The following PRELID2 variants were observed in gnomAD, a reference collection of about 807,000 sequenced individuals.
PRELID2 encodes PRELI domain-containing protein 2.
A neutral mutation model predicts 28.4 loss-of-function variants in PRELID2; 25 were observed. That is an observed-to-expected ratio of 0.88 (90% CI 0.64 to 1.23). PRELID2 has a LOEUF of 1.23. PRELID2 is among the 50% of genes most tolerant of loss of function. PRELID2 has a pLI of 0.00. For synonymous variants in PRELID2, 76 were observed against 71.6 expected (o/e 1.06, Z -0.31); for missense variants, 201 against 214.4 (o/e 0.94, Z 0.39).
At chr5:145,394,321 A>G in the PRELID2 span, among the ~76,000 whole-genome samples, 1 of 151,832 alleles carries the variant, frequency 6.6e-6, no homozygotes, top group East Asian at 1.9e-4. Context: ...TCTCAGCAAA[A>G]TATCACAAGG....
the PRELID2 span, among the ~76,000 whole-genome samples, chr5:145,324,063 T>A: frequency 1.3e-5 from 2 of 152,258 alleles, no homozygotes; most frequent in Non-Finnish European, 2.9e-5. Context: ...ATGGCTGAAT[T>A]AATTTACATT....
At chr5:145,501,036 G>A (rs1752356048) in intron 1 of PRELID2, among the ~76,000 whole-genome samples, 1 of 152,110 alleles carries the variant, frequency 6.6e-6, no homozygotes. Flanking sequence ...CCTTCCAATA[G>A]TCCCAATTAT....
intron 4 of PRELID2, among the ~76,000 whole-genome samples, chr5:145,799,910 A>G (rs1753016130): frequency 6.6e-6 from 1 of 152,104 alleles, no homozygotes; most frequent in Non-Finnish European, 1.5e-5. Flanking sequence ...CCTATTCCCC[A>G]TTTTCACCAT....
chr5:145,238,183 G>A, the PRELID2 span, among the ~76,000 whole-genome samples: 1 of 152,100 alleles, frequency 6.6e-6, no homozygotes, highest in Non-Finnish European at 1.5e-5. Context: ...AGAGAAAGAG[G>A]ACAGAAGAGA....
the PRELID2 span, among the ~76,000 whole-genome samples, chr5:145,415,488 A>G: frequency 7.6e-6 from 1 of 131,000 alleles, no homozygotes; most frequent in Non-Finnish European, 1.5e-5. Context: ...TGTCCATGTG[A>G]TCTCATTGTT....
intron 1 of PRELID2, among the ~76,000 whole-genome samples, chr5:145,488,494 C>A (rs1018729972): frequency 6.6e-6 from 1 of 151,912 alleles, no homozygotes; most frequent in African/African-American, 2.4e-5. Context: ...ACTTATAAAC[C>A]CAAAGACTCC....
chr5:145,732,386 A>T (rs1756370318), intron 1 of PRELID2, among the ~76,000 whole-genome samples: 1 of 152,232 alleles, frequency 6.6e-6, no homozygotes, highest in Non-Finnish European at 1.5e-5. Context: ...GAGGTGGAAG[A>T]GTTCATATAG....
the PRELID2 span, among the ~76,000 whole-genome samples, chr5:145,356,200 C>T: frequency 6.6e-6 from 1 of 152,076 alleles, no homozygotes; most frequent in Non-Finnish European, 1.5e-5. Flanking sequence ...TATAAACACA[C>T]TCAAGTATTT....
intron 1 of PRELID2, among the ~76,000 whole-genome samples, chr5:145,700,983 C>G (rs1286146712): frequency 6.6e-6 from 1 of 152,090 alleles, no homozygotes; most frequent in African/African-American, 2.4e-5. Context: ...CACTGGGAGC[C>G]AGGCTCTGAG....
At chr5:145,458,495 T>C in the PRELID2 span, among the ~76,000 whole-genome samples, 3 of 152,200 alleles carry the variant, frequency 2.0e-5, no homozygotes, top group African/African-American at 7.2e-5. Flanking sequence ...GCAATTTTGC[T>C]CACAAGGGAA....
chr5:145,493,047 G>T (rs1192719078), intron 1 of PRELID2, among the ~76,000 whole-genome samples: 1 of 140,568 alleles, frequency 7.1e-6, no homozygotes, highest in Non-Finnish European at 1.6e-5. Flanking sequence ...TTGGGGAGGG[G>T]TGTCTTGGGT....
the PRELID2 span, among the ~76,000 whole-genome samples, chr5:145,271,781 T>C: frequency 0.07 from 10,654 of 152,172 alleles, 1,201 homozygotes; most frequent in African/African-American, 0.24. Flanking sequence ...CTCCCTTACC[T>C]GCCAACATCC....
chr5:145,355,387 C>T, the PRELID2 span, among the ~76,000 whole-genome samples: 1 of 152,004 alleles, frequency 6.6e-6, no homozygotes, highest in Admixed American at 6.6e-5. Context: ...AATTTTTTCT[C>T]TCCTTATATT....
the PRELID2 span, among the ~76,000 whole-genome samples, chr5:145,267,186 G>T: frequency 6.6e-6 from 1 of 152,110 alleles, no homozygotes; most frequent in South Asian, 2.1e-4. Context: ...AAAGATGTAG[G>T]CTAGGAGGAT....
chr5:145,414,822 C>T, the PRELID2 span, among the ~76,000 whole-genome samples: 3 of 152,192 alleles, frequency 2.0e-5, no homozygotes, highest in African/African-American at 7.2e-5. Flanking sequence ...ATATGCAGCA[C>T]AATGGCATAG....
chr5:145,420,613 C>A, the PRELID2 span, among the ~76,000 whole-genome samples: 2 of 123,366 alleles, frequency 1.6e-5, no homozygotes, highest in African/African-American at 5.9e-5. Flanking sequence ...AGTTGCTTAT[C>A]AGCTTAAGGA....
chr5:145,462,112 C>G, the PRELID2 span, among the ~76,000 whole-genome samples: 5 of 152,216 alleles, frequency 3.3e-5, no homozygotes, highest in South Asian at 8.3e-4. Flanking sequence ...AATGTAGCAT[C>G]GTTATCAAGG....
At chr5:145,678,597 T>C (rs1471243212) in intron 1 of PRELID2, among the ~76,000 whole-genome samples, 1 of 152,168 alleles carries the variant, frequency 6.6e-6, no homozygotes, top group African/African-American at 2.4e-5. Flanking sequence ...TTCAAAACTC[T>C]TTGAGCCAGA....
the PRELID2 span, among the ~76,000 whole-genome samples, chr5:145,402,887 G>A: frequency 8.5e-5 from 13 of 152,126 alleles, no homozygotes; most frequent in Non-Finnish European, 1.6e-4. Flanking sequence ...GAGCAGCAAA[G>A]GATTCAAAAT....
Sources: gnomAD v4.1 joint callset for allele counts (sites outside exome capture counted in the v4.1 genomes callset) on GRCh38, gnomAD v4.1.1 for gene constraint, MANE v1.5 for transcripts, NCBI Gene and HGNC (gene_info 2026-07-23, HGNC 2026-07-21) for gene names.